CIRBP: variants seen among roughly 807,000 people sequenced by gnomAD.
CIRBP encodes cold-inducible RNA-binding protein.
A neutral mutation model predicts 22.3 loss-of-function variants in CIRBP; 11 were observed. The observed-to-expected ratio is 0.49, with a 90% confidence interval of 0.31 to 0.82. CIRBP has a LOEUF of 0.82. CIRBP is among the 40% of genes least tolerant of loss of function. The pLI, the probability that CIRBP is intolerant of heterozygous loss-of-function variation, is 0.05. For synonymous variants in CIRBP, 216 were observed against 158.8 expected, an observed-to-expected ratio of 1.36 and a Z score of -2.71; for missense variants, 456 against 402.7, an observed-to-expected ratio of 1.13 and a Z score of -1.13.
At position 1,272,451 on chromosome 19, in the gene CIRBP, TC is replaced by T; in HGVS notation, c.*10del. The T allele has an allele frequency of 6.6e-7, 1 of 1,526,476 alleles. No individual in the cohort carries two copies. The highest frequency in any genetic ancestry group is 1.3e-5 in the South Asian group (1 of 77,410). The allele number at this position is 1,526,476 out of a possible 1,614,324, so 94.6% of individuals were successfully genotyped here. On this transcript the variant is annotated 3_prime_UTR_variant, in exon 6 of 6. Transcript: ENST00000587896. The stretch of plus-strand genomic sequence containing the variant: ...GCTACACACAACGAGTAAAAACCCT[TC>T]CTGCTCAAGATCGTCCTTCCAATGG...
In CIRBP at chr19:1,272,662, G is replaced by A; in HGVS notation, c.*219G>A. On this transcript the variant is annotated 3_prime_UTR_variant, in exon 6 of 6. Transcript: ENST00000587896. The stretch of plus-strand genomic sequence containing the variant: ...TAAGGAAGTGCTGTTTTTTTTTGAG[G>A]GTTTTCAAAACATTTTGAAAAGCAT... 4.7e-6 allele frequency: 2 copies of A among 426,458 alleles called. No homozygotes were observed. The highest frequency in any genetic ancestry group is 8.3e-6 in the Non-Finnish European group (2 of 239,592). 26.4% of individuals were successfully genotyped at this position (426,458 alleles called of 1,614,324 possible). A position where few individuals can be genotyped will look rare whatever the true frequency, so the allele number is the denominator to read the frequency against.
At position 1,271,611 on chromosome 19, in the gene CIRBP, G is replaced by A; in HGVS notation, c.410G>A (p.Gly137Asp). Reference protein sequence around the residue: ...RFESRSGGYGGSRDYYSSRSQ... With the variant: ...RFESRSGGYGDSRDYYSSRSQ... ...GAGTCCAGGAGTGGGGGCTACGGAGGCTCCAGAGACTACTATAGCAGGTGA... is the reference window on the plus strand; with the variant it reads ...GAGTCCAGGAGTGGGGGCTACGGAGACTCCAGAGACTACTATAGCAGGTGA... The change falls in exon 5 of 6, where the codon GGC (glycine) becomes GAC (aspartate). Residue 137 changes from glycine (G) to aspartate (D), a missense_variant. Transcript: ENST00000587896. 6.4e-7 allele frequency: 1 copy of A among 1,555,732 alleles called. No homozygotes were observed. Among genetic ancestry groups the A allele is most frequent in the Non-Finnish European group, 8.7e-7 (1 of 1,149,614 alleles).
chr19:1,271,621 C>T lies in CIRBP; in HGVS notation c.420C>T (p.Asp140=). The T allele has an allele frequency of 1.9e-6, 3 of 1,543,194 alleles. No individual in the cohort carries two copies. Among genetic ancestry groups the T allele is most frequent in the South Asian group, 2.4e-5 (2 of 84,354 alleles). Residue 140 remains aspartate, a synonymous_variant, in exon 5 of 6, where the codon GAC becomes GAT. Coordinates refer to ENST00000587896, the MANE Select transcript of CIRBP (RefSeq NM_001300829.2). ...SRSGGYGGSR[D]YYSSRSQSGG... Reference sequence around the variant, plus strand: ...GTGGGGGCTACGGAGGCTCCAGAGACTACTATAGCAGGTGAGGGGGAGGCC... The same window carrying T: ...GTGGGGGCTACGGAGGCTCCAGAGATTACTATAGCAGGTGAGGGGGAGGCC...
At position 1,274,168 on chromosome 19, in the gene CIRBP, C is replaced by T. The variant is rs918953822; in HGVS notation, c.*1725C>T. The T allele has an allele frequency of 2.5e-6, 1 of 395,980 alleles. No individual in the cohort carries two copies. The highest frequency in any genetic ancestry group is 2.1e-5 in the African/African-American group (1 of 48,576). 24.5% of individuals were successfully genotyped at this position (395,980 alleles called of 1,614,324 possible). A position where few individuals can be genotyped will look rare whatever the true frequency, so the allele number is the denominator to read the frequency against. On this transcript the variant is annotated 3_prime_UTR_variant, in exon 6 of 6. Transcript: ENST00000587896. ...GCAGACCCGCCCTGGGCATGCTGGC[C>T]TGTGACGGAGCCTGAGGTCACAGCC...
rs1384168828 is a variant in CIRBP, at chr19:1,273,722, CCTT to C, written c.*1281_*1283del. The C allele has an allele frequency of 6.6e-6, 1 of 152,272 alleles. No individual in the cohort carries two copies. Among genetic ancestry groups the C allele is most frequent in the Admixed American group, 6.5e-5 (1 of 15,282 alleles). The allele number at this position is 152,272 out of a possible 1,614,324, so 9.4% of individuals were successfully genotyped here. A position where few individuals can be genotyped will look rare whatever the true frequency, so the allele number is the denominator to read the frequency against. On this transcript the variant is annotated 3_prime_UTR_variant, in exon 6 of 6. Transcript: ENST00000587896. ...AATAGCCCTGTAATTCGAGGTAACT[CCTT>C]CCGCTCGTGTCCACATCCCTCTTGT...
chr19:1,271,534 T>G lies in CIRBP; in HGVS notation c.350-17T>G, dbSNP rs927435911. On this transcript the variant is annotated splice_polypyrimidine_tract_variant and intron_variant, in intron 4 of 5. Coordinates refer to ENST00000587896, the MANE Select transcript of CIRBP (RefSeq NM_001300829.2). Reference sequence around the variant, plus strand: ...CTGCTGGTGGGAGCTGGTACTCACTTTTTCCTGTATGTGCAGGAGGAGGGG... The same window carrying G: ...CTGCTGGTGGGAGCTGGTACTCACTGTTTCCTGTATGTGCAGGAGGAGGGG... 1.3e-6 allele frequency: 2 copies of G among 1,593,526 alleles called. No homozygotes were observed. The highest frequency in any genetic ancestry group is 1.3e-5 in the African/African-American group (1 of 74,086).
rs75499659 is a variant in CIRBP, at chr19:1,271,161, A to C, written c.125A>C (p.Glu42Ala). ...ISEVVVVKDRETQRSRGFGFV... is the reference protein window; with the variant it reads ...ISEVVVVKDRATQRSRGFGFV... ...ACAGTGGTGGTTGTGAAAGACAGGG[A>C]GACCCAGAGATCTCGGGGATTTGGG... The change falls in exon 3 of 6, where the codon GAG (glutamate) becomes GCG (alanine). Residue 42 changes from glutamate to alanine, a missense_variant. Glu to Ala is a moderately radical substitution (Grantham distance 107, BLOSUM62 -1). Coordinates refer to ENST00000587896, the MANE Select transcript of CIRBP (RefSeq NM_001300829.2). The C allele has an allele frequency of 7.4e-6, 12 of 1,613,940 alleles. No homozygotes were observed. The highest frequency in any genetic ancestry group is 1.0e-5 in the Non-Finnish European group (12 of 1,180,020).
chr19:1,269,454 G>A (rs1013659272), intron 1 of CIRBP, 44 bp downstream of exon 1: 1 of 151,388 alleles, frequency 6.6e-6, no homozygotes, highest in African/African-American at 2.4e-5. Context: ...TCGGGGCGGC[G>A]GGCGGCCTGC....
chr19:1,271,948 C>A (rs762919208), intron 5 of CIRBP, 33 bp from the exon 6 acceptor site: 12 of 1,571,704 alleles, frequency 7.6e-6, no homozygotes, highest in Non-Finnish European at 1.0e-5. Context: ...TAGACGGGTA[C>A]CTTCCGGTAC....
rs750113391 is a variant in CIRBP, at chr19:1,272,229, A to G, written c.680A>G (p.Glu227Gly). Residue 227 changes from glutamate to glycine, a missense_variant, in exon 6 of 6, where the codon GAG becomes GGG. Coordinates refer to ENST00000587896, the MANE Select transcript of CIRBP (RefSeq NM_001300829.2). ...TATCGCAGGACGCAAAAGCCAAATG[A>G]GACTGACCAAAAAGGCAAGGGAGAG... ...HFYRRTQKPN[E>G]TDQKGKGERG... is the part of the protein sequence containing the mutation. The G allele has an allele frequency of 6.3e-6, 10 of 1,598,730 alleles. No homozygotes were observed. In the Admixed American group the frequency reaches 7.0e-5, roughly 11 times the overall value.
At position 1,274,559 on chromosome 19, in the gene CIRBP, T is replaced by G; in HGVS notation, c.*2116T>G. ...GCCCCATGGCGGGCGCCTTTCGGTGTGTGTTGGGTGCAGGGCAGCGCCTCC... is the reference window on the plus strand; with the variant it reads ...GCCCCATGGCGGGCGCCTTTCGGTGGGTGTTGGGTGCAGGGCAGCGCCTCC... On this transcript the variant is annotated 3_prime_UTR_variant, in exon 6 of 6. Transcript: ENST00000587896. The G allele has an allele frequency of 2.8e-6, 1 of 359,326 alleles. No homozygotes were observed. The highest frequency in any genetic ancestry group is 5.0e-6 in the Non-Finnish European group (1 of 201,468). The allele number at this position is 359,326 out of a possible 1,614,324, so 22.3% of individuals were successfully genotyped here. A position where few individuals can be genotyped will look rare whatever the true frequency, so the allele number is the denominator to read the frequency against.
At chr19:1,269,945 C>T (rs754776139) in intron 1 of CIRBP, 16 of 519,836 alleles carry the variant, frequency 3.1e-5, no homozygotes, top group Non-Finnish European at 5.4e-5. Context: ...GTGCTTTGCG[C>T]CCAAAGTTTG....
Position 1,271,986 on chromosome 19 carries a change from G to C in CIRBP, c.437G>C (p.Ser146Thr). 1.9e-6 allele frequency: 3 copies of C among 1,607,428 alleles called. No homozygotes were observed. The highest frequency in any genetic ancestry group is 2.6e-6 in the Non-Finnish European group (3 of 1,174,608). Residue 146 changes from serine to threonine, a missense_variant, in exon 6 of 6, where the codon AGT becomes ACT. Transcript: ENST00000587896. The part of the protein sequence containing the change: ...GGSRDYYSSR[S>T]QSGGYSDRSS... ...AACGTTTGTCTGTCTTGCAGCCGGAGTCAGAGTGGTGGCTACAGTGACCGG... is the reference window on the plus strand; with the variant it reads ...AACGTTTGTCTGTCTTGCAGCCGGACTCAGAGTGGTGGCTACAGTGACCGG...
chr19:1,269,982 C>T (rs548128690), intron 1 of CIRBP: 2 of 519,922 alleles, frequency 3.8e-6, no homozygotes, highest in African/African-American at 3.8e-5. Flanking sequence ...CTCCCAGTGC[C>T]AGACTTCCAA....
At position 1,271,481 on chromosome 19, in the gene CIRBP, G is replaced by A. The variant is rs368949662; in HGVS notation, c.349+14G>A. The A allele has an allele frequency of 9.3e-6, 15 of 1,605,046 alleles. No homozygotes were observed. The highest frequency in any genetic ancestry group is 1.7e-5 in the Admixed American group (1 of 59,114). ...GGTTCTCTAGAGGTGAGTGCCATGA[G>A]TGGGTCCCTTGGGGATGCTGTGAGG... On this transcript the variant is annotated intron_variant, in intron 4 of 5. Transcript: ENST00000587896.
At position 1,272,448 on chromosome 19, in the gene CIRBP, C is replaced by G. The variant is rs559698071; in HGVS notation, c.*5C>G. 1.3e-6 allele frequency: 2 copies of G among 1,527,632 alleles called. No homozygotes were observed. The highest frequency in any genetic ancestry group is 2.3e-5 in the East Asian group (1 of 44,064). The allele number at this position is 1,527,632 out of a possible 1,614,324, so 94.6% of individuals were successfully genotyped here. ...TCAGCTACACACAACGAGTAAAAAC[C>G]CTTCCTGCTCAAGATCGTCCTTCCA... On this transcript the variant is annotated 3_prime_UTR_variant, in exon 6 of 6. Coordinates refer to ENST00000587896, the MANE Select transcript of CIRBP (RefSeq NM_001300829.2).
Position 1,274,531 on chromosome 19 carries a change from A to C in CIRBP, c.*2088A>C. On this transcript the variant is annotated 3_prime_UTR_variant, in exon 6 of 6. Transcript: ENST00000587896. ...CAGTGAGTCCTGCTCTCCCGCACCT[A>C]TGGCCCCATGGCGGGCGCCTTTCGG... 1 of 383,796 alleles carries C rather than the reference A, an allele frequency of 2.6e-6. No homozygotes were observed. Among genetic ancestry groups the C allele is most frequent in the Non-Finnish European group, 4.6e-6 (1 of 216,672 alleles). The allele number at this position is 383,796 out of a possible 1,614,324, so 23.8% of individuals were successfully genotyped here.
At chr19:1,270,654 T>G (rs1406681551) in intron 1 of CIRBP, among the ~76,000 whole-genome samples, 1 of 152,056 alleles carries the variant, frequency 6.6e-6, no homozygotes, top group African/African-American at 2.4e-5. Flanking sequence ...ACACCTACAG[T>G]CCCAGTTTCT....
chr19:1,274,540 T>C lies in CIRBP; in HGVS notation c.*2097T>C, dbSNP rs8108009. The C allele has an allele frequency of 0.79, 300,200 of 379,208 alleles. 119,544 individuals carry two copies. Among genetic ancestry groups the C allele is most frequent in the East Asian group, 0.97 (26,062 of 26,826 alleles). The allele number at this position is 379,208 out of a possible 1,614,324, so 23.5% of individuals were successfully genotyped here. On this transcript the variant is annotated 3_prime_UTR_variant, in exon 6 of 6. Transcript: ENST00000587896. ...CTGCTCTCCCGCACCTATGGCCCCA[T>C]GGCGGGCGCCTTTCGGTGTGTGTTG...
Sources: gnomAD v4.1 joint callset for allele counts (sites outside exome capture counted in the v4.1 genomes callset) on GRCh38, gnomAD v4.1.1 for gene constraint, MANE v1.5 for transcripts, NCBI Gene and HGNC (gene_info 2026-07-23, HGNC 2026-07-21) for gene names.